Variants in ARHGEF38 observed in about 807,000 individuals in gnomAD.
ARHGEF38 encodes Rho guanine nucleotide exchange factor (GEF) 38.
Under a neutral mutation model 79.9 loss-of-function variants are expected in ARHGEF38, and 79 were observed. The ratio of observed to expected loss-of-function variants is 0.99; its 90% CI spans 0.82 to 1.19. The LOEUF (loss-of-function observed/expected upper bound fraction) is 1.19, where lower values mean the gene tolerates loss of function less well. ARHGEF38 is among the 50% of genes most tolerant of loss of function. The pLI is 0.00. For synonymous variants in ARHGEF38, 366 were observed against 328.3 expected (o/e 1.11, Z -1.24); for missense variants, 962 against 907.2 (o/e 1.06, Z -0.78).
At chr4:105,671,553 G>A (rs1462857649) in intron 13 of ARHGEF38, among the ~76,000 whole-genome samples, 1 of 152,194 alleles carries the variant, frequency 6.6e-6, no homozygotes, top group African/African-American at 2.4e-5. Flanking sequence ...CAGGGCCGAT[G>A]TTTCTATTCT....
At chr4:105,598,303 C>T (rs1046749697) in intron 2 of ARHGEF38, among the ~76,000 whole-genome samples, 1 of 152,120 alleles carries the variant, frequency 6.6e-6, no homozygotes, top group African/African-American at 2.4e-5. Flanking sequence ...ACCTCACAGA[C>T]TTTAGTGAGT....
chr4:105,560,881 T>C (rs1182157559), intron 1 of ARHGEF38, among the ~76,000 whole-genome samples: 2 of 152,222 alleles, frequency 1.3e-5, no homozygotes, highest in Non-Finnish European at 2.9e-5. Flanking sequence ...CACAGATTTC[T>C]CCTTCTGTGT....
In ARHGEF38 at chr4:105,654,133, T is replaced by G. The variant is rs1308683460; in HGVS notation, c.1077T>G (p.Cys359Trp). 3.9e-6 allele frequency: 6 copies of G among 1,520,358 alleles called. No individual in the cohort carries two copies. Among genetic ancestry groups the G allele is most frequent in the Non-Finnish European group, 5.3e-6 (6 of 1,136,134 alleles). 94.2% of individuals were successfully genotyped at this position (1,520,358 alleles called of 1,614,324 possible). ...CTTTAGAAAAGACTGTGAGGCTTTG[T>G]GTGAAGAACATTTCACTCTGTCTTC... Reference protein sequence around the residue: ...FRALEKTVRLCVKNISLCLQH... With the variant: ...FRALEKTVRLWVKNISLCLQH... The change falls in exon 8 of 14, where the codon TGT (cysteine) becomes TGG (tryptophan). Residue 359 changes from cysteine to tryptophan, a missense_variant. Cys to Trp is a radical substitution (Grantham distance 215). Coordinates refer to ENST00000420470, the MANE Select transcript of ARHGEF38 (RefSeq NM_001242729.2).
rs554056995 is a variant in ARHGEF38 at position 105,654,020 on chromosome 4, ATC to A, written c.1009-43_1009-42del. 1.7e-4 allele frequency: 192 copies of A among 1,157,416 alleles called. 1 individual carries two copies. The African/African-American group carries it at 2.7e-3, about 16-fold the overall frequency. 71.7% of individuals were successfully genotyped at this position (1,157,416 alleles called of 1,614,324 possible). A position where few individuals can be genotyped will look rare whatever the true frequency, so the allele number is the denominator to read the frequency against. On this transcript the variant is annotated intron_variant, in intron 7 of 13. Coordinates refer to ENST00000420470, the MANE Select transcript of ARHGEF38 (RefSeq NM_001242729.2). ...TATGGTCTGTGCTATTTTAAAAAAT[ATC>A]TGTTTCATTTGAGTTATGAAAATAA... is the stretch of plus-strand genomic sequence containing the variant.
At chr4:105,572,030 G>A (rs1726261896) in intron 1 of ARHGEF38, among the ~76,000 whole-genome samples, 1 of 152,140 alleles carries the variant, frequency 6.6e-6, no homozygotes, top group Non-Finnish European at 1.5e-5. Flanking sequence ...TCAGTATAAT[G>A]TTTGGAACAA....
intron 2 of ARHGEF38, among the ~76,000 whole-genome samples, chr4:105,590,154 AAG>A (rs904300657): frequency 5.3e-5 from 8 of 150,456 alleles, no homozygotes; most frequent in South Asian, 2.1e-4. Flanking sequence ...GAAAGAAAGA[AAG>A]AGAGAGAGAG....
intron 2 of ARHGEF38, among the ~76,000 whole-genome samples, chr4:105,594,288 A>G (rs144501339): frequency 2.0e-5 from 3 of 152,290 alleles, no homozygotes; most frequent in Admixed American, 6.5e-5. Context: ...TACCTTTTCA[A>G]TGTTCGTTAG....
At chr4:105,568,379 T>A (rs1348294410) in intron 1 of ARHGEF38, among the ~76,000 whole-genome samples, 1 of 151,502 alleles carries the variant, frequency 6.6e-6, no homozygotes, top group Non-Finnish European at 1.5e-5. Flanking sequence ...GGAACACTTT[T>A]ACACTGTTGG....
At chr4:105,658,937 C>T (rs1730448125) in intron 9 of ARHGEF38, 117 bp from the exon 10 acceptor site, 1 of 865,546 alleles carries the variant, frequency 1.2e-6, no homozygotes, top group Non-Finnish European at 1.7e-6. Context: ...TGGGTAGGTG[C>T]TTTCCTGTTT....
At chr4:105,622,358 CCTGAA>C (rs1335177103) in intron 3 of ARHGEF38, among the ~76,000 whole-genome samples, 3 of 152,090 alleles carry the variant, frequency 2.0e-5, no homozygotes, top group African/African-American at 7.2e-5. Context: ...TCTGTGAGTT[CCTGAA>C]CACTTTCCCA....
intron 5 of ARHGEF38, among the ~76,000 whole-genome samples, chr4:105,644,486 G>A (rs907791946): frequency 2.6e-5 from 4 of 152,178 alleles, no homozygotes; most frequent in East Asian, 1.9e-4. Context: ...CAGTTGGAAC[G>A]GCTCCAACTT....
intron 2 of ARHGEF38, among the ~76,000 whole-genome samples, chr4:105,608,046 G>C (rs1728128682): frequency 6.6e-6 from 1 of 152,120 alleles, no homozygotes; most frequent in Non-Finnish European, 1.5e-5. Flanking sequence ...GGAAGTCCCA[G>C]ATCAAGATGC....
chr4:105,631,845 C>T (rs1416219847), intron 4 of ARHGEF38, among the ~76,000 whole-genome samples: 1 of 152,220 alleles, frequency 6.6e-6, no homozygotes, highest in East Asian at 1.9e-4. Flanking sequence ...CCATACTCCA[C>T]ATCTTACCCA....
intron 3 of ARHGEF38, among the ~76,000 whole-genome samples, chr4:105,627,682 G>C (rs1475946824): frequency 6.6e-6 from 1 of 152,156 alleles, no homozygotes; most frequent in Non-Finnish European, 1.5e-5. Flanking sequence ...GCAACCACAA[G>C]TGAAATTACC....
chr4:105,591,386 A>G (rs569560785), intron 2 of ARHGEF38, among the ~76,000 whole-genome samples: 1 of 151,890 alleles, frequency 6.6e-6, no homozygotes, highest in Non-Finnish European at 1.5e-5. Flanking sequence ...CTGCCACCAC[A>G]CCCGGCTAAT....
chr4:105,628,491 T>C (rs1729044128), intron 3 of ARHGEF38, among the ~76,000 whole-genome samples: 1 of 152,210 alleles, frequency 6.6e-6, no homozygotes, highest in African/African-American at 2.4e-5. Flanking sequence ...TTCTTTCCTC[T>C]ACTTGATAGC....
At chr4:105,568,726 A>G (rs989184186) in intron 1 of ARHGEF38, among the ~76,000 whole-genome samples, 9 of 152,206 alleles carry the variant, frequency 5.9e-5, no homozygotes, top group Non-Finnish European at 1.0e-4. Context: ...AAGTTGCTCA[A>G]TAAGTAAGTA....
rs1200311195 is a variant in ARHGEF38, at chr4:105,680,365, A to G, written c.*2428A>G. On this transcript the variant is annotated 3_prime_UTR_variant, in exon 14 of 14. Coordinates refer to ENST00000420470, the MANE Select transcript of ARHGEF38 (RefSeq NM_001242729.2). Reference sequence around the variant, plus strand: ...CACTTGCTTATCTGTCCATTCATTCATTGAACCAGTAAGTATTTATTGAGA... The same window carrying G: ...CACTTGCTTATCTGTCCATTCATTCGTTGAACCAGTAAGTATTTATTGAGA... 1.2e-5 allele frequency: 3 copies of G among 244,156 alleles called. No homozygotes were observed. Among genetic ancestry groups the G allele is most frequent in the African/African-American group, 6.7e-5 (3 of 44,626 alleles). 15.1% of individuals were successfully genotyped at this position (244,156 alleles called of 1,614,324 possible). A position where few individuals can be genotyped will look rare whatever the true frequency, so the allele number is the denominator to read the frequency against.
At chr4:105,660,156 A>G (rs540393110) in intron 10 of ARHGEF38, among the ~76,000 whole-genome samples, 253 of 152,234 alleles carry the variant, frequency 1.7e-3, no homozygotes, top group African/African-American at 4.8e-3. Context: ...AACGAGGGCT[A>G]TGTTTACAGG....
Sources: allele counts gnomAD v4.1 joint callset (sites outside exome capture counted in the v4.1 genomes callset), GRCh38; gene constraint gnomAD v4.1.1; transcripts MANE v1.5; gene names NCBI Gene and HGNC (gene_info 2026-07-23, HGNC 2026-07-21).